The following USP8 variants were observed in gnomAD, a reference collection of about 807,000 sequenced individuals.
USP8 encodes the protein ubiquitin specific peptidase 8.
In USP8, 27 loss-of-function variants were observed where a neutral mutation model predicts 130.0. That is an observed-to-expected ratio of 0.21 (90% confidence interval 0.15 to 0.29). USP8 has a LOEUF of 0.29. USP8 is among the 10% of genes least tolerant of loss of function. The pLI is 1.00. For missense variants in USP8, 1,029 were observed against 1,312.2 expected (o/e 0.78, Z 3.33); for synonymous variants, 392 against 444.1 (o/e 0.88, Z 1.48).
rs954166106 is a variant in USP8, at chr15:50,503,911, A to C, written c.*4823A>C. ...AGATTTAAACCCCCAAGGACTTTAG[A>C]TAATAGAATTATTAAGCAGAGGCTA... On this transcript the variant is annotated 3_prime_UTR_variant, in exon 20 of 20. Transcript: ENST00000307179. 1 of 152,232 alleles carries C rather than the reference A, an allele frequency of 6.6e-6. No homozygotes were observed. Among genetic ancestry groups the C allele is most frequent in the Non-Finnish European group, 1.5e-5 (1 of 68,044 alleles). The allele number at this position is 152,232 out of a possible 1,614,324, so 9.4% of individuals were successfully genotyped here. A position where few individuals can be genotyped will look rare whatever the true frequency, so the allele number is the denominator to read the frequency against.
At chr15:50,494,681 A>C (rs944808893) in intron 16 of USP8, among the ~76,000 whole-genome samples, 2 of 152,200 alleles carry the variant, frequency 1.3e-5, no homozygotes, top group African/African-American at 2.4e-5. Context: ...TCCCTTGCTG[A>C]AAGTGGAACA....
chr15:50,501,431 A>AC lies in USP8; in HGVS notation c.*2345dup, dbSNP rs1211003353. ...CGAGGCTGCAATGAGCCGTGATTGT[A>AC]CCACTGCACTCCAGCCTGGGTGACA... On this transcript the variant is annotated 3_prime_UTR_variant, in exon 20 of 20. Coordinates refer to ENST00000307179, the MANE Select transcript of USP8 (RefSeq NM_005154.5). 1 of 151,344 alleles carries AC rather than the reference A, an allele frequency of 6.6e-6. No individual in the cohort carries two copies. The highest frequency in any genetic ancestry group is 1.5e-5 in the Non-Finnish European group (1 of 67,986). 9.4% of individuals were successfully genotyped at this position (151,344 alleles called of 1,614,324 possible). A position where few individuals can be genotyped will look rare whatever the true frequency, so the allele number is the denominator to read the frequency against.
chr15:50,480,657 C>G (rs1296072189), intron 10 of USP8, among the ~76,000 whole-genome samples: 2 of 151,994 alleles, frequency 1.3e-5, no homozygotes, highest in Admixed American at 6.6e-5. Context: ...GCAAGTATAG[C>G]TGGTATACAC....
rs1378168196 is a variant in USP8 at position 50,506,322 on chromosome 15, A to G, written c.*7234A>G. ...CGCCTCCTGTCAGATCAGCTGCTGC[A>G]TTAGATTCTCACAGCAGCACAAACT... On this transcript the variant is annotated 3_prime_UTR_variant, in exon 20 of 20. Transcript: ENST00000307179. The G allele has an allele frequency of 1.3e-5, 2 of 152,402 alleles. No individual in the cohort carries two copies. Among genetic ancestry groups the G allele is most frequent in the South Asian group, 4.1e-4 (2 of 4,822 alleles). 9.4% of individuals were successfully genotyped at this position (152,402 alleles called of 1,614,324 possible).
At chr15:50,445,850 C>T (rs1367497188) in intron 3 of USP8, among the ~76,000 whole-genome samples, 1 of 143,844 alleles carries the variant, frequency 7.0e-6, no homozygotes, top group East Asian at 2.2e-4. Context: ...GAGCAAGACT[C>T]CGTCTCAAAA....
At chr15:50,495,551 C>T (rs1255594642) in intron 16 of USP8, among the ~76,000 whole-genome samples, 2 of 151,944 alleles carry the variant, frequency 1.3e-5, no homozygotes, top group African/African-American at 4.8e-5. Flanking sequence ...GTCCTCCTGC[C>T]TTGGCTTCCC....
chr15:50,512,544 T>G lies in USP8; in HGVS notation c.*13456T>G, dbSNP rs1200183367. 6.6e-6 allele frequency: 1 copy of G among 152,500 alleles called. No individual in the cohort carries two copies. The highest frequency in any genetic ancestry group is 1.5e-5 in the Non-Finnish European group (1 of 68,440). The allele number at this position is 152,500 out of a possible 1,614,324, so 9.4% of individuals were successfully genotyped here. A position where few individuals can be genotyped will look rare whatever the true frequency, so the allele number is the denominator to read the frequency against. Reference sequence around the variant, plus strand: ...GGCTCACACCTGTAATCCCAGCACTTTGGGAGGCCCTGAGATGGGCAGATC... The same window carrying G: ...GGCTCACACCTGTAATCCCAGCACTGTGGGAGGCCCTGAGATGGGCAGATC... On this transcript the variant is annotated 3_prime_UTR_variant, in exon 20 of 20. Transcript: ENST00000307179.
At chr15:50,440,037 A>T (rs2050205053) in intron 2 of USP8, among the ~76,000 whole-genome samples, 1 of 151,986 alleles carries the variant, frequency 6.6e-6, no homozygotes, top group Admixed American at 6.6e-5. Flanking sequence ...TCAAGATTGC[A>T]CCGTTGCACT....
rs2052662053 is a variant in USP8, at chr15:50,506,631, TGTA to T, written c.*7547_*7549del. On this transcript the variant is annotated 3_prime_UTR_variant, in exon 20 of 20. Coordinates refer to ENST00000307179, the MANE Select transcript of USP8 (RefSeq NM_005154.5). ...TTATTACTAGTTGAAATATATGGGA[TGTA>T]GTAAATTTACCAAATATTTACTGGA... 6.6e-6 allele frequency: 1 copy of T among 152,082 alleles called. No homozygotes were observed. Among genetic ancestry groups the T allele is most frequent in the Non-Finnish European group, 1.5e-5 (1 of 68,008 alleles). The allele number at this position is 152,082 out of a possible 1,614,324, so 9.4% of individuals were successfully genotyped here.
At chr15:50,433,846 C>G (rs1448470428) in intron 1 of USP8, among the ~76,000 whole-genome samples, 1 of 152,134 alleles carries the variant, frequency 6.6e-6, no homozygotes, top group Non-Finnish European at 1.5e-5. Flanking sequence ...ACCTCGTGAT[C>G]CGCCCGCCTT....
chr15:50,490,677 G>A, intron 14 of USP8, 152 bp downstream of exon 14: 2 of 1,055,496 alleles, frequency 1.9e-6, no homozygotes, highest in Non-Finnish European at 2.7e-6. Flanking sequence ...CAAAACAAAT[G>A]AATAGAGAAA....
chr15:50,487,789 A>C (rs2141313486), intron 12 of USP8, among the ~76,000 whole-genome samples: 1 of 152,372 alleles, frequency 6.6e-6, no homozygotes, highest in Admixed American at 6.5e-5. Context: ...AAGAAGGCTC[A>C]ATAAAACTTA....
chr15:50,479,265 C>T (rs1253033583), intron 10 of USP8, among the ~76,000 whole-genome samples: 1 of 152,110 alleles, frequency 6.6e-6, no homozygotes, highest in Non-Finnish European at 1.5e-5. Flanking sequence ...AGTATTTTAT[C>T]TGGGCTTTAA....
chr15:50,449,339 C>T (rs1488416864), intron 3 of USP8, 61 bp from the exon 4 acceptor site: 4 of 1,044,850 alleles, frequency 3.8e-6, no homozygotes, highest in Non-Finnish European at 5.5e-6. Flanking sequence ...ATGATTTTAA[C>T]ACTAGTGTCA....
At chr15:50,443,000 TA>T (rs1366355060) in intron 3 of USP8, among the ~76,000 whole-genome samples, 1 of 152,212 alleles carries the variant, frequency 6.6e-6, no homozygotes, top group Non-Finnish European at 1.5e-5. Context: ...CTTACTGAAA[TA>T]ACAAAATTTC....
chr15:50,491,755 GC>G (rs1157073105), intron 14 of USP8, among the ~76,000 whole-genome samples: 1 of 152,162 alleles, frequency 6.6e-6, no homozygotes, highest in East Asian at 1.9e-4. Flanking sequence ...AGTCTAGAAG[GC>G]ATTCTCTGCC....
At chr15:50,491,918 G>A (rs938682893) in intron 14 of USP8, among the ~76,000 whole-genome samples, 4 of 152,198 alleles carry the variant, frequency 2.6e-5, no homozygotes, top group Admixed American at 2.6e-4. Context: ...CCAGGCTGAA[G>A]TGCAGTGGCA....
chr15:50,484,216 T>G, intron 11 of USP8, 59 bp from the exon 12 acceptor site: 3 of 1,376,522 alleles, frequency 2.2e-6, no homozygotes, highest in Non-Finnish European at 2.0e-6. Context: ...GCTAGTAGCT[T>G]TATGTTGGGA....
Position 50,499,270 on chromosome 15 carries a change from C to A in USP8, c.*182C>A, listed in dbSNP as rs1001445631. The A allele has an allele frequency of 2.2e-6, 1 of 461,362 alleles. No homozygotes were observed. The highest frequency in any genetic ancestry group is 9.4e-5 in the South Asian group (1 of 10,660). The allele number at this position is 461,362 out of a possible 1,614,324, so 28.6% of individuals were successfully genotyped here. ...GACAAATAACATTTAACAAGTATTG[C>A]AGTAATCATCACTTACAGGTACCAT... On this transcript the variant is annotated 3_prime_UTR_variant, in exon 20 of 20. Transcript: ENST00000307179.
Sources: allele counts gnomAD v4.1 joint callset (sites outside exome capture counted in the v4.1 genomes callset), GRCh38; gene constraint gnomAD v4.1.1; transcripts MANE v1.5; gene names NCBI Gene and HGNC (gene_info 2026-07-23, HGNC 2026-07-21).